SPOPL: variants seen among roughly 807,000 people sequenced by gnomAD.
SPOPL encodes speckle-type POZ protein-like.
SPOPL carries 23 observed loss-of-function variants against 53.8 expected under a neutral mutation model. The ratio of observed to expected loss-of-function variants is 0.43; its 90% CI spans 0.31 to 0.61. SPOPL has a LOEUF of 0.61. Among genes scored for constraint, SPOPL ranks in the 20% least tolerant of loss-of-function variants. The pLI, the probability that SPOPL is intolerant of heterozygous loss-of-function variation, is 0.12. For synonymous variants in SPOPL, 164 were observed against 149.7 expected (o/e 1.10, Z -0.70); for missense variants, 442 against 466.9 (o/e 0.95, Z 0.49).
At chr2:138,552,733 A>G in intron 5 of SPOPL, 52 bp downstream of exon 5, 1 of 1,568,158 alleles carries the variant, frequency 6.4e-7, no homozygotes, top group South Asian at 1.2e-5. Flanking sequence ...GTGATATGGC[A>G]AAAGTATAAA....
At chr2:138,550,321 T>G (rs1005584503) in intron 2 of SPOPL, 27 bp downstream of exon 2, 52 of 1,611,848 alleles carry the variant, frequency 3.2e-5, no homozygotes, top group Non-Finnish European at 4.3e-5. Context: ...ATCCCTCACT[T>G]TATGTCACTT....
At chr2:138,526,512 T>C (rs1013107531) in intron 1 of SPOPL, among the ~76,000 whole-genome samples, 2 of 152,154 alleles carry the variant, frequency 1.3e-5, no homozygotes, top group East Asian at 1.9e-4. Context: ...TAGTATGTTT[T>C]ACAATACATA....
intron 1 of SPOPL, among the ~76,000 whole-genome samples, chr2:138,548,776 C>CA (rs149897817): frequency 0.011 from 1,652 of 152,124 alleles, 32 homozygotes; most frequent in African/African-American, 0.037. Flanking sequence ...GGTTTTTTTA[C>CA]AGTCACTGGC....
intron 5 of SPOPL, among the ~76,000 whole-genome samples, chr2:138,554,066 CTTTT>C (rs70978299): frequency 5.5e-5 from 7 of 126,646 alleles, no homozygotes; most frequent in Non-Finnish European, 8.2e-5. Context: ...TAGAAAATAC[CTTTT>C]TTTTTTTTTT....
intron 1 of SPOPL, among the ~76,000 whole-genome samples, chr2:138,526,118 A>G (rs546160570): frequency 3.9e-5 from 6 of 152,306 alleles, no homozygotes; most frequent in South Asian, 4.1e-4. Context: ...TGTTCTGACT[A>G]TAACTTTTTT....
intron 1 of SPOPL, among the ~76,000 whole-genome samples, chr2:138,518,953 G>T (rs994443993): frequency 2.0e-5 from 3 of 152,152 alleles, no homozygotes; most frequent in African/African-American, 7.2e-5. Flanking sequence ...AATTTATTGA[G>T]TGCTTTCTAT....
chr2:138,530,280 CTG>C (rs1350429409), intron 1 of SPOPL, among the ~76,000 whole-genome samples: 1 of 152,040 alleles, frequency 6.6e-6, no homozygotes, highest in African/African-American at 2.4e-5. Flanking sequence ...CATATGTTCA[CTG>C]TGTGTGGACA....
intron 1 of SPOPL, among the ~76,000 whole-genome samples, chr2:138,509,819 A>T (rs905413566): frequency 6.6e-6 from 1 of 152,172 alleles, no homozygotes; most frequent in Admixed American, 6.5e-5. Flanking sequence ...GGTATTGTAT[A>T]GTATATTCTA....
At chr2:138,548,382 C>T (rs1464035920) in intron 1 of SPOPL, among the ~76,000 whole-genome samples, 1 of 151,574 alleles carries the variant, frequency 6.6e-6, no homozygotes, top group Non-Finnish European at 1.5e-5. Context: ...CAAATAACAC[C>T]ATCTGCATTT....
chr2:138,522,263 C>T (rs1684575254), intron 1 of SPOPL, among the ~76,000 whole-genome samples: 2 of 152,158 alleles, frequency 1.3e-5, no homozygotes, highest in African/African-American at 2.4e-5. Flanking sequence ...CTGCCTTTGA[C>T]ATACAAAAAT....
At chr2:138,544,573 A>G (rs961042016) in intron 1 of SPOPL, among the ~76,000 whole-genome samples, 4 of 152,096 alleles carry the variant, frequency 2.6e-5, no homozygotes, top group Admixed American at 6.5e-5. Context: ...GTTTGCTAAG[A>G]CCATTGGAAA....
chr2:138,505,458 A>G (rs1684194870), intron 1 of SPOPL, among the ~76,000 whole-genome samples: 1 of 151,958 alleles, frequency 6.6e-6, no homozygotes, highest in South Asian at 2.1e-4. Flanking sequence ...GGAATAAAAT[A>G]AAGAAAAAAA....
At chr2:138,518,162 G>C (rs1019065466) in intron 1 of SPOPL, among the ~76,000 whole-genome samples, 1 of 150,296 alleles carries the variant, frequency 6.7e-6, no homozygotes, top group Non-Finnish European at 1.5e-5. Flanking sequence ...AAAAAAGAAA[G>C]AAAACTTTGG....
At chr2:138,555,531 A>G (rs574906664) in intron 5 of SPOPL, among the ~76,000 whole-genome samples, 6 of 152,180 alleles carry the variant, frequency 3.9e-5, no homozygotes, top group Non-Finnish European at 8.8e-5. Context: ...GAAGATATTC[A>G]TGTGAAATTC....
At chr2:138,517,899 T>G (rs1386400562) in intron 1 of SPOPL, among the ~76,000 whole-genome samples, 2 of 151,078 alleles carry the variant, frequency 1.3e-5, no homozygotes, top group Non-Finnish European at 3.0e-5. Flanking sequence ...AATACAAAAA[T>G]TAGCTGGGTG....
chr2:138,533,677 A>G (rs763355393), intron 1 of SPOPL, among the ~76,000 whole-genome samples: 21 of 152,230 alleles, frequency 1.4e-4, no homozygotes, highest in Non-Finnish European at 3.1e-4. Flanking sequence ...ACTGTTGAAC[A>G]TTATATGTTA....
At chr2:138,553,116 T>A (rs552159548) in intron 5 of SPOPL, among the ~76,000 whole-genome samples, 24 of 152,194 alleles carry the variant, frequency 1.6e-4, no homozygotes, top group Admixed American at 7.8e-4. Context: ...GCTTTCTGAT[T>A]GTTCAGGCGG....
intron 1 of SPOPL, among the ~76,000 whole-genome samples, chr2:138,539,720 A>T (rs1161047979): frequency 6.6e-6 from 1 of 152,094 alleles, no homozygotes; most frequent in Non-Finnish European, 1.5e-5. Context: ...CTCTGATGGT[A>T]GTTTCTTTTG....
chr2:138,553,168 C>T lies in SPOPL; in HGVS notation c.480+487C>T, dbSNP rs533807880. Among the ~76,000 whole-genome samples the T allele has an allele frequency of 5.2e-4, 79 of 152,134 alleles. 1 individual carries two copies. Among genetic ancestry groups the T allele is most frequent in the African/African-American group, 1.8e-3 (74 of 41,546 alleles). On this transcript the variant is annotated intron_variant, in intron 5 of 10. Transcript: ENST00000280098. The stretch of plus-strand genomic sequence containing the variant: ...AAATAGCATTCTAAGAAATAGTTCT[C>T]AGATTTTTAAGATATGCCCGTGTCT...
Sources: allele counts gnomAD v4.1 joint callset (sites outside exome capture counted in the v4.1 genomes callset), GRCh38; gene constraint gnomAD v4.1.1; transcripts MANE v1.5; gene names NCBI Gene and HGNC (gene_info 2026-07-23, HGNC 2026-07-21).